Variants in JAKMIP1 observed in about 807,000 individuals in gnomAD.
The protein encoded by JAKMIP1 is janus kinase and microtubule-interacting protein 1.
A neutral mutation model predicts 113.0 loss-of-function variants in JAKMIP1; 33 were observed. That is an observed-to-expected ratio of 0.29 (90% confidence interval 0.22 to 0.39). The LOEUF is 0.39. Among genes scored for constraint, JAKMIP1 ranks in the 10% least tolerant of loss-of-function variants. JAKMIP1 has a pLI of 1.00. For missense variants in JAKMIP1, 813 were observed against 1,080.5 expected, an observed-to-expected ratio of 0.75 and a Z score of 3.47; for synonymous variants, 480 against 459.9, an observed-to-expected ratio of 1.04 and a Z score of -0.56.
At chr4:6,060,301 C>A (rs548150561) in intron 11 of JAKMIP1, 123 bp downstream of exon 11, 2 of 748,356 alleles carry the variant, frequency 2.7e-6, no homozygotes, top group Non-Finnish European at 4.8e-6. Context: ...TTTCCTCTAG[C>A]GTCTCTGGAG....
rs1174046046 is a variant in JAKMIP1, at chr4:6,140,278, G to A, written c.-147-27281C>T. ...TTTTTTTTTTTTTTCTGTGGGGAGG[G>A]ACTTTCACCAACATTTGTGTGATAC... On this transcript the variant is annotated intron_variant, in intron 1 of 20. Coordinates refer to ENST00000409021, the MANE Select transcript of JAKMIP1 (RefSeq NM_001099433.2). This position sits in a 1 kb window ranked among gnomAD's most constrained non-coding sequence, Gnocchi z 9.4. Among the ~76,000 whole-genome samples the A allele has an allele frequency of 6.7e-6, 1 of 149,870 alleles. No individual in the cohort carries two copies. Among genetic ancestry groups the A allele is most frequent in the African/African-American group, 2.5e-5 (1 of 40,594 alleles).
chr4:6,036,182 G>T, intron 18 of JAKMIP1, 75 bp from the exon 19 acceptor site: 1 of 1,212,792 alleles, frequency 8.2e-7, no homozygotes, highest in Non-Finnish European at 1.2e-6. Flanking sequence ...GCTGCTGCCA[G>T]TGGAGGCAGA....
chr4:6,121,685 G>A (rs1039807873), intron 1 of JAKMIP1, among the ~76,000 whole-genome samples: 3 of 152,234 alleles, frequency 2.0e-5, no homozygotes, highest in South Asian at 4.1e-4. Context: ...TGATCGCAGC[G>A]CGGCTCCAGC....
intron 16 of JAKMIP1, among the ~76,000 whole-genome samples, chr4:6,047,448 G>A (rs927827119): frequency 1.3e-5 from 2 of 152,164 alleles, no homozygotes; most frequent in African/African-American, 4.8e-5. Context: ...CATGTGCCCC[G>A]CCCCGTGCCT....
intron 13 of JAKMIP1, 147 bp downstream of exon 13, chr4:6,053,903 A>C: frequency 1.3e-6 from 2 of 1,534,236 alleles, no homozygotes; most frequent in Non-Finnish European, 1.7e-6. Flanking sequence ...AGATTTAAAA[A>C]AAAAAAGAAA....
chr4:6,038,774 G>C (rs1713909794), intron 18 of JAKMIP1, among the ~76,000 whole-genome samples: 1 of 152,226 alleles, frequency 6.6e-6, no homozygotes, highest in Non-Finnish European at 1.5e-5. Flanking sequence ...ATGGAGCAGA[G>C]CTTGCTGGTG....
chr4:6,142,377 C>T lies in JAKMIP1; in HGVS notation c.-147-29380G>A, dbSNP rs909575767. 3.3e-5 allele frequency among the ~76,000 whole-genome samples: 5 copies of T among 152,184 alleles called. No individual in the cohort carries two copies. The highest frequency in any genetic ancestry group is 6.5e-5 in the Admixed American group (1 of 15,272). On this transcript the variant is annotated intron_variant, in intron 1 of 20. Transcript: ENST00000409021. This position sits in a 1 kb window ranked among gnomAD's most constrained non-coding sequence, Gnocchi z 5.5. ...TCTGTGCTTTAAAAGGGCAGTTTCT[C>T]GTGTTCTGTCCTTCCCGAGTCCAGT... is the stretch of plus-strand genomic sequence containing the variant.
chr4:6,093,464 C>A lies in JAKMIP1; in HGVS notation c.625-7835G>T, dbSNP rs564461353. On this transcript the variant is annotated intron_variant, in intron 3 of 20. Transcript: ENST00000409021. The surrounding 1 kb of genome is among the most constrained non-coding windows in gnomAD (Gnocchi z 4.6). ...ATGGATGACTATAAACAGTGTCCAG[C>A]TCCCATTAAACTGATTGTTTACTAT... is the stretch of plus-strand genomic sequence containing the variant. 4.6e-5 allele frequency among the ~76,000 whole-genome samples: 7 copies of A among 152,282 alleles called. No individual in the cohort carries two copies. Among genetic ancestry groups the A allele is most frequent in the African/African-American group, 1.7e-4 (7 of 41,548 alleles).
chr4:6,191,738 TCA>T (rs780148742), intron 1 of JAKMIP1, among the ~76,000 whole-genome samples: 15 of 152,284 alleles, frequency 9.9e-5, no homozygotes, highest in Non-Finnish European at 1.6e-4. Context: ...ACGTGTAATT[TCA>T]CAGTTTCACT....
intron 13 of JAKMIP1, among the ~76,000 whole-genome samples, chr4:6,052,203 A>G (rs1483780777): frequency 2.2e-5 from 3 of 137,624 alleles, no homozygotes; most frequent in African/African-American, 1.0e-4. Context: ...TATTAGCCAA[A>G]ATTTAAAAAA....
chr4:6,031,403 A>G lies in JAKMIP1; in HGVS notation c.2380-1622T>C, dbSNP rs1446756160. ...TTGCACTCCAGCCTGGGTGACACAG[A>G]GAGACTCCATCTCAATAAATAAATA... is the stretch of plus-strand genomic sequence containing the variant. On this transcript the variant is annotated intron_variant, in intron 19 of 20. Transcript: ENST00000409021. The surrounding 1 kb of genome is among the most constrained non-coding windows in gnomAD (Gnocchi z 4.4). Among the ~76,000 whole-genome samples the G allele has an allele frequency of 1.3e-5, 2 of 152,140 alleles. No homozygotes were observed. The highest frequency in any genetic ancestry group is 2.9e-5 in the Non-Finnish European group (2 of 68,034).
intron 16 of JAKMIP1, among the ~76,000 whole-genome samples, chr4:6,043,189 C>A (rs149745927): frequency 2.0e-5 from 3 of 151,882 alleles, no homozygotes; most frequent in African/African-American, 7.3e-5. Flanking sequence ...AGCTGCGGAG[C>A]GCCCTCTTTC....
intron 18 of JAKMIP1, among the ~76,000 whole-genome samples, chr4:6,037,748 ACTGGTAGCCCT>A: frequency 7.2e-6 from 1 of 138,382 alleles, no homozygotes; most frequent in African/African-American, 2.8e-5. Context: ...GCAGAGGCTA[ACTGGTAGCCCT>A]CCATCACTGA....
chr4:6,092,548 A>G (rs1411901879), intron 3 of JAKMIP1, among the ~76,000 whole-genome samples: 1 of 152,212 alleles, frequency 6.6e-6, no homozygotes, highest in Non-Finnish European at 1.5e-5. Context: ...CCCAGCTATG[A>G]AAGTCTATAG....
intron 13 of JAKMIP1, 144 bp downstream of exon 13, chr4:6,053,906 A>AG (rs1553808032): frequency 1.0e-5 from 16 of 1,532,056 alleles, no homozygotes; most frequent in East Asian, 6.8e-5. Flanking sequence ...TTTAAAAAAA[A>AG]AAAGAAAGAA....
intron 1 of JAKMIP1, among the ~76,000 whole-genome samples, chr4:6,126,686 T>C (rs1717714967): frequency 9.3e-6 from 1 of 107,712 alleles, no homozygotes; most frequent in Non-Finnish European, 1.9e-5. Context: ...CACCCATACA[T>C]ACACCACCCA....
At chr4:6,032,807 G>A (rs1287541162) in intron 19 of JAKMIP1, among the ~76,000 whole-genome samples, 2 of 152,242 alleles carry the variant, frequency 1.3e-5, no homozygotes, top group Non-Finnish European at 2.9e-5. Context: ...GTCAGACTAA[G>A]CAACCCAGAC....
intron 2 of JAKMIP1, among the ~76,000 whole-genome samples, chr4:6,107,736 T>C (rs7678422): frequency 0.57 from 86,201 of 151,932 alleles, 26,604 homozygotes; most frequent in African/African-American, 0.83. Context: ...AACTAACGAA[T>C]AACCTCTCAC....
rs1249408964 is a variant in JAKMIP1 at position 6,064,299 on chromosome 4, G to A, written c.1431+581C>T. ...GGGAAGGTGAGTGAGAACGAAGCTGGTCTTTGCCCCCTCACGAATCCACCT... is the reference window on the plus strand; with the variant it reads ...GGGAAGGTGAGTGAGAACGAAGCTGATCTTTGCCCCCTCACGAATCCACCT... On this transcript the variant is annotated intron_variant, in intron 9 of 20. Coordinates refer to ENST00000409021, the MANE Select transcript of JAKMIP1 (RefSeq NM_001099433.2). The surrounding 1 kb of genome is among the most constrained non-coding windows in gnomAD (Gnocchi z 4.3). 6.6e-6 allele frequency among the ~76,000 whole-genome samples: 1 copy of A among 152,234 alleles called. No homozygotes were observed. The highest frequency in any genetic ancestry group is 1.5e-5 in the Non-Finnish European group (1 of 68,038).
Sources: gnomAD v4.1 joint callset for allele counts (sites outside exome capture counted in the v4.1 genomes callset) on GRCh38, gnomAD v4.1.1 for gene constraint, Gnocchi (gnomAD v3.1) non-coding constraint, MANE v1.5 for transcripts, NCBI Gene and HGNC (gene_info 2026-07-23, HGNC 2026-07-21) for gene names.